DLG2: variants seen among roughly 807,000 people sequenced by gnomAD.
DLG2 encodes discs large MAGUK scaffold protein 2, also known as disks large homolog 2.
DLG2 carries 45 observed loss-of-function variants against 132.5 expected under a neutral mutation model. The ratio of observed to expected loss-of-function variants is 0.34; its 90% confidence interval spans 0.27 to 0.44. The LOEUF (loss-of-function observed/expected upper bound fraction) is 0.44, where lower values mean the gene tolerates loss of function less well. DLG2 is among the 20% of genes least tolerant of loss of function. The pLI is 1.00. For synonymous variants in DLG2, 424 were observed against 419.6 expected (o/e 1.01, Z -0.13); for missense variants, 1,045 against 1,196.9 (o/e 0.87, Z 1.87).
chr11:85,617,319 T>G (rs2081404091), intron 2 of DLG2, among the ~76,000 whole-genome samples: 1 of 152,238 alleles, frequency 6.6e-6, no homozygotes, highest in African/African-American at 2.4e-5. Context: ...AAACAGCCTC[T>G]TGCCATTTCC....
At chr11:85,555,408 A>G (rs1027222664) in intron 3 of DLG2, among the ~76,000 whole-genome samples, 3 of 151,956 alleles carry the variant, frequency 2.0e-5, no homozygotes, top group East Asian at 3.9e-4. Flanking sequence ...TAATTTATAA[A>G]ACTTTGACCT....
At chr11:85,374,653 A>G (rs1431832170) in intron 3 of DLG2, among the ~76,000 whole-genome samples, 2 of 152,232 alleles carry the variant, frequency 1.3e-5, no homozygotes, top group South Asian at 2.1e-4. Context: ...CGGGTCAAAT[A>G]TTTTTAAAAT....
At chr11:83,641,621 G>A (rs1237388749) in intron 18 of DLG2, among the ~76,000 whole-genome samples, 1 of 152,112 alleles carries the variant, frequency 6.6e-6, no homozygotes, top group Non-Finnish European at 1.5e-5. Flanking sequence ...GAGGAGCGTG[G>A]CTCCCCTCCC....
chr11:84,147,885 C>T (rs1280153370), intron 9 of DLG2, among the ~76,000 whole-genome samples: 2 of 152,006 alleles, frequency 1.3e-5, no homozygotes, highest in Non-Finnish European at 2.9e-5. Flanking sequence ...TGTGTATAAA[C>T]ATTATAATAG....
intron 11 of DLG2, among the ~76,000 whole-genome samples, chr11:84,056,686 T>C (rs2096506646): frequency 6.6e-6 from 1 of 152,178 alleles, no homozygotes; most frequent in South Asian, 2.1e-4. Flanking sequence ...TCAGAGTTAG[T>C]GTAAAATCCA....
intron 6 of DLG2, among the ~76,000 whole-genome samples, chr11:84,615,911 G>A (rs1180481313): frequency 6.9e-6 from 1 of 145,688 alleles, no homozygotes; most frequent in East Asian, 2.0e-4. Flanking sequence ...TTCAACATAT[G>A]TCAGACTTCA....
At chr11:84,762,777 G>A (rs1244060652) in intron 6 of DLG2, among the ~76,000 whole-genome samples, 2 of 152,100 alleles carry the variant, frequency 1.3e-5, no homozygotes, top group Non-Finnish European at 2.9e-5. Context: ...CAGAGATGAG[G>A]ATTGTTCCTT....
At chr11:83,930,004 T>C (rs1252500438) in intron 15 of DLG2, among the ~76,000 whole-genome samples, 1 of 152,222 alleles carries the variant, frequency 6.6e-6, no homozygotes, top group African/African-American at 2.4e-5. Context: ...CATCCTTCTG[T>C]ATGAGTGAAA....
At chr11:84,149,542 C>T (rs1455845499) in intron 9 of DLG2, among the ~76,000 whole-genome samples, 1 of 151,944 alleles carries the variant, frequency 6.6e-6, no homozygotes, top group Admixed American at 6.6e-5. Context: ...TGTGGCTTTA[C>T]TTCTGGGTTC....
chr11:85,205,324 C>T (rs2081806085), intron 4 of DLG2, among the ~76,000 whole-genome samples: 2 of 151,318 alleles, frequency 1.3e-5, no homozygotes. Context: ...TATTTGGGAG[C>T]TAAAAAAAAG....
At chr11:83,472,594 G>C (rs191506692) in intron 23 of DLG2, 133 bp downstream of exon 23, 35 of 712,702 alleles carry the variant, frequency 4.9e-5, no homozygotes, top group Non-Finnish European at 3.8e-5. Context: ...CAGCGTAAGA[G>C]TAAGGTACGG....
intron 8 of DLG2, among the ~76,000 whole-genome samples, chr11:84,219,507 A>C (rs538990887): frequency 6.6e-6 from 1 of 152,230 alleles, no homozygotes; most frequent in Non-Finnish European, 1.5e-5. Flanking sequence ...TTTTAGAATT[A>C]ATATACTTCT....
intron 7 of DLG2, among the ~76,000 whole-genome samples, chr11:84,480,074 T>C (rs930643038): frequency 1.5e-4 from 23 of 152,206 alleles, no homozygotes; most frequent in African/African-American, 5.5e-4. Context: ...TACATTCTTC[T>C]CGTCATATTA....
chr11:83,661,533 CA>C (rs2074272639), intron 18 of DLG2, among the ~76,000 whole-genome samples: 1 of 152,152 alleles, frequency 6.6e-6, no homozygotes, highest in African/African-American at 2.4e-5. Context: ...CATGCTGCTA[CA>C]GCAAGTTAGA....
intron 3 of DLG2, among the ~76,000 whole-genome samples, chr11:85,368,274 G>A (rs576836853): frequency 3.3e-5 from 5 of 152,294 alleles, no homozygotes; most frequent in African/African-American, 9.6e-5. Context: ...GCTAGAAATT[G>A]CAAACGTGAG....
At chr11:84,920,384 T>G (rs985529255) in intron 6 of DLG2, among the ~76,000 whole-genome samples, 1 of 152,192 alleles carries the variant, frequency 6.6e-6, no homozygotes, top group South Asian at 2.1e-4. Context: ...AGATTCAACT[T>G]AAAAGTGACC....
intron 15 of DLG2, among the ~76,000 whole-genome samples, chr11:83,899,029 T>A (rs1361147073): frequency 6.6e-6 from 1 of 152,176 alleles, no homozygotes; most frequent in African/African-American, 2.4e-5. Flanking sequence ...GTCAGATGGC[T>A]GAATTTATAC....
chr11:85,167,020 A>G (rs2078501996), intron 4 of DLG2, among the ~76,000 whole-genome samples: 1 of 152,134 alleles, frequency 6.6e-6, no homozygotes, highest in Non-Finnish European at 1.5e-5. Flanking sequence ...TTATTTATTT[A>G]TATTATTTTG....
chr11:85,282,026 TA>T lies in DLG2; in HGVS notation c.186+3193del, dbSNP rs945641242. Among the ~76,000 whole-genome samples, 215 of 148,382 alleles carry T rather than the reference TA, an allele frequency of 1.4e-3. 1 individual carries two copies. Among genetic ancestry groups the T allele is most frequent in the African/African-American group, 4.4e-3 (178 of 40,634 alleles). ...TACACACAATGGGAATTTACTTGACTAAAAAAAAAATAAATAAATAAACTCC... is the reference window on the plus strand; with the variant it reads ...TACACACAATGGGAATTTACTTGACTAAAAAAAAATAAATAAATAAACTCC... On this transcript the variant is annotated intron_variant, in intron 4 of 27. Transcript: ENST00000376104.
Sources: gnomAD v4.1 joint callset for allele counts (sites outside exome capture counted in the v4.1 genomes callset) on GRCh38, gnomAD v4.1.1 for gene constraint, MANE v1.5 for transcripts, NCBI Gene and HGNC (gene_info 2026-07-23, HGNC 2026-07-21) for gene names.